PIEZO1: variants seen among roughly 807,000 people sequenced by gnomAD.
The protein encoded by PIEZO1 is piezo-type mechanosensitive ion channel component 1.
Under a neutral mutation model 297.2 loss-of-function variants are expected in PIEZO1, and 296 were observed. That is an observed-to-expected ratio of 1.00 (90% CI 0.91 to 1.10). The LOEUF (loss-of-function observed/expected upper bound fraction) is 1.10. Ranked by LOEUF, PIEZO1 falls within the 50% of genes least tolerant of loss-of-function variation. PIEZO1 has a pLI of 0.00. For synonymous variants in PIEZO1, 2,427 were observed against 1,507.5 expected, an observed-to-expected ratio of 1.61 and a Z score of -14.13; for missense variants, 5,018 against 3,455.5, an observed-to-expected ratio of 1.45 and a Z score of -11.34.
chr16:88,725,360 C>T, intron 29 of PIEZO1, 56 bp downstream of exon 29: 1 of 1,075,976 alleles, frequency 9.3e-7, no homozygotes, highest in Non-Finnish European at 1.3e-6. Flanking sequence ...CACACGCCAG[C>T]AGGCACAGAC....
At chr16:88,718,637 C>G (rs1243429384) in intron 44 of PIEZO1, 5 of 152,266 alleles carry the variant, frequency 3.3e-5, no homozygotes, top group African/African-American at 1.2e-4. Context: ...CTCATAGAAC[C>G]AGGACCTAGA....
chr16:88,772,169 G>A (rs1295893219), intron 1 of PIEZO1, among the ~76,000 whole-genome samples: 1 of 152,222 alleles, frequency 6.6e-6, no homozygotes, highest in Non-Finnish European at 1.5e-5. Context: ...TCTGGGCATG[G>A]CTGTCAGAAT....
intron 1 of PIEZO1, among the ~76,000 whole-genome samples, chr16:88,768,535 C>T (rs887825276): frequency 2.0e-5 from 3 of 152,274 alleles, no homozygotes; most frequent in Admixed American, 1.3e-4. Context: ...CAATTCCTAA[C>T]AGCAGAGCGA....
In PIEZO1 at chr16:88,731,902, G is replaced by T. The variant is rs568280615; in HGVS notation, c.3000C>A (p.Phe1000Leu). ...GCCCGATCACGTTCACGGCCATCAG[G>T]AAGCAGATCTGGGGAGGGGAGAGGG... is the stretch of plus-strand genomic sequence containing the variant. ...FFYKFGLEIC[F>L]LMAVNVIGQR... Residue 1000 changes from phenylalanine to leucine, a missense_variant, in exon 22 of 51, where the codon TTC becomes TTA. Transcript: ENST00000301015. 1,001 of 1,508,642 alleles carry T rather than the reference G, an allele frequency of 6.6e-4. 1 individual carries two copies. The highest frequency in any genetic ancestry group is 8.1e-4 in the Non-Finnish European group (918 of 1,129,186). The allele number at this position is 1,508,642 out of a possible 1,614,324, so 93.5% of individuals were successfully genotyped here. A position where few individuals can be genotyped will look rare whatever the true frequency, so the allele number is the denominator to read the frequency against.
At chr16:88,751,079 C>T (rs996761996) in intron 1 of PIEZO1, among the ~76,000 whole-genome samples, 1 of 152,146 alleles carries the variant, frequency 6.6e-6, no homozygotes, top group African/African-American at 2.4e-5. Flanking sequence ...ATCCTTGGTG[C>T]CAAAGGAGCC....
At position 88,716,483 on chromosome 16, in the gene PIEZO1, C is replaced by T. The variant is rs528203278; in HGVS notation, c.6927G>A (p.Arg2309=). The T allele has an allele frequency of 5.1e-5, 79 of 1,546,138 alleles. 1 individual carries two copies. The East Asian group carries it at 1.5e-3, about 30-fold the overall frequency. ...CCACAGTGCCTCCCTTCGCCAGGTC[C>T]CTGGGGGTGGGAACACAGCGTGACC... ...ITLRFTWNFQ[R]DLAKGGTVEY... Residue 2309 remains arginine, a splice_region_variant and synonymous_variant, in exon 48 of 51, where the codon AGG becomes AGA. Coordinates refer to ENST00000301015, the MANE Select transcript of PIEZO1 (RefSeq NM_001142864.4).
intron 30 of PIEZO1, among the ~76,000 whole-genome samples, chr16:88,724,377 G>C (rs957792524): frequency 6.6e-6 from 1 of 151,966 alleles, no homozygotes; most frequent in Admixed American, 6.6e-5. Context: ...CTAAAAATAC[G>C]AAAATTAGCT....
intron 30 of PIEZO1, 77 bp from the exon 31 acceptor site, chr16:88,724,048 C>T: frequency 1.1e-6 from 1 of 882,624 alleles, no homozygotes. Context: ...CTGCATGGGC[C>T]AAGGCCCGAG....
chr16:88,784,337 C>A (rs1179507859), intron 1 of PIEZO1, among the ~76,000 whole-genome samples: 2 of 152,232 alleles, frequency 1.3e-5, no homozygotes, highest in Non-Finnish European at 2.9e-5. Flanking sequence ...AGTGTGGGAC[C>A]GCCTCAGTCC....
intron 1 of PIEZO1, among the ~76,000 whole-genome samples, chr16:88,771,082 T>C (rs1329855178): frequency 6.6e-6 from 1 of 152,106 alleles, no homozygotes; most frequent in East Asian, 1.9e-4. Context: ...TAGCAGGTGG[T>C]CTCAGTCCCG....
At position 88,725,421 on chromosome 16, in the gene PIEZO1, T is replaced by G; in HGVS notation, c.4157A>C (p.Glu1386Ala). The change falls in exon 29 of 51, where the codon GAG becomes GCG. Residue 1386 changes from glutamate to alanine, a missense_variant. Coordinates refer to ENST00000301015, the MANE Select transcript of PIEZO1 (RefSeq NM_001142864.4). ...CCGACTCCAGCTGCACTCACCTGGCTCCAGGCCGGGGTCCTTGGGGCCCAG... is the reference window on the plus strand; with the variant it reads ...CCGACTCCAGCTGCACTCACCTGGCGCCAGGCCGGGGTCCTTGGGGCCCAG... ...DTLGPKDPGL[E>A]PGPDSPGGSS... 1 of 1,453,150 alleles carries G rather than the reference T, an allele frequency of 6.9e-7. No homozygotes were observed. Among genetic ancestry groups the G allele is most frequent in the Non-Finnish European group, 9.1e-7 (1 of 1,102,076 alleles). 90.0% of individuals were successfully genotyped at this position (1,453,150 alleles called of 1,614,324 possible). A position where few individuals can be genotyped will look rare whatever the true frequency, so the allele number is the denominator to read the frequency against.
chr16:88,735,037 C>T lies in PIEZO1; in HGVS notation c.1686G>A (p.Gln562=), dbSNP rs772353985. 1 of 1,550,298 alleles carries T rather than the reference C, an allele frequency of 6.5e-7. No individual in the cohort carries two copies. The highest frequency in any genetic ancestry group is 1.4e-5 in the African/African-American group (1 of 73,070). ...TVADTEPTRT[Q]TLLQSLGELV... ...GCTCCCCCAGGCTCTGCAACAGCGT[C>T]TGCGTCCGCGTGGGCTCTGTGGGCC... The change falls in exon 14 of 51, where the codon CAG becomes CAA. Residue 562 remains glutamine (Q), a synonymous_variant. Coordinates refer to ENST00000301015, the MANE Select transcript of PIEZO1 (RefSeq NM_001142864.4).
At position 88,716,881 on chromosome 16, in the gene PIEZO1, G is replaced by T; in HGVS notation, c.6678C>A (p.Ser2226Arg). The change falls in exon 46 of 51, where the codon AGC (serine) becomes AGA (arginine). Residue 2226 changes from serine (S) to arginine (R), a missense_variant. Physicochemically the swap from Ser to Arg is moderately radical, Grantham distance 110. Coordinates refer to ENST00000301015, the MANE Select transcript of PIEZO1 (RefSeq NM_001142864.4). ...AGGGGATGATGGACGGCTGCTGGGC[G>T]CTCATGGTGAACAGCGGCTGGGGCA... Reference protein sequence around the residue: ...LGGYEPLFTMSAQQPSIIPFT... With the variant: ...LGGYEPLFTMRAQQPSIIPFT... 1 of 1,549,868 alleles carries T rather than the reference G, an allele frequency of 6.5e-7. No individual in the cohort carries two copies. Among genetic ancestry groups the T allele is most frequent in the Non-Finnish European group, 8.7e-7 (1 of 1,146,940 alleles).
At chr16:88,747,019 T>G (rs1906097198) in intron 2 of PIEZO1, among the ~76,000 whole-genome samples, 1 of 152,144 alleles carries the variant, frequency 6.6e-6, no homozygotes, top group Non-Finnish European at 1.5e-5. Context: ...TCGGCCGCAC[T>G]GGGCCCCTCC....
At chr16:88,781,985 G>A (rs959553364) in intron 1 of PIEZO1, among the ~76,000 whole-genome samples, 7 of 152,252 alleles carry the variant, frequency 4.6e-5, no homozygotes, top group African/African-American at 1.4e-4. Flanking sequence ...GCCCACGTGG[G>A]TGTCCCACAG....
In PIEZO1 at chr16:88,733,347, G is replaced by A. The variant is rs1383790534; in HGVS notation, c.2595C>T (p.Ile865=). 7 of 1,550,214 alleles carry A rather than the reference G, an allele frequency of 4.5e-6. No homozygotes were observed. The highest frequency in any genetic ancestry group is 5.2e-6 in the Non-Finnish European group (6 of 1,146,832). ...SCLSTVWTCV[I]IVCKMLYQLK... ...GCTGGTACAGCATCTTACACACGATGATGACGCAGGTCCACACGGTGGACA... is the reference window on the plus strand; with the variant it reads ...GCTGGTACAGCATCTTACACACGATAATGACGCAGGTCCACACGGTGGACA... Residue 865 remains isoleucine, a synonymous_variant, in exon 19 of 51, where the codon ATC becomes ATT. Coordinates refer to ENST00000301015, the MANE Select transcript of PIEZO1 (RefSeq NM_001142864.4).
chr16:88,718,878 TTATTTTTTTG>T (rs142864864), intron 44 of PIEZO1: 16,929 of 154,084 alleles, frequency 0.11, 1,055 homozygotes, highest in Non-Finnish European at 0.14. Context: ...CAGCTAACGT[TTATTTTTTTG>T]TAGAGAGAGT....
chr16:88,748,824 T>C (rs1023028701), intron 2 of PIEZO1, among the ~76,000 whole-genome samples: 2 of 150,660 alleles, frequency 1.3e-5, no homozygotes, highest in African/African-American at 2.4e-5. Flanking sequence ...TTGCAGCTAC[T>C]TGGGAGGCTG....
At chr16:88,763,688 G>A (rs1433014526) in intron 1 of PIEZO1, among the ~76,000 whole-genome samples, 2 of 152,222 alleles carry the variant, frequency 1.3e-5, no homozygotes, top group African/African-American at 4.8e-5. Context: ...GACCCAGGGA[G>A]TGGACAGCAC....
Sources: gnomAD v4.1 joint callset for allele counts (sites outside exome capture counted in the v4.1 genomes callset) on GRCh38, gnomAD v4.1.1 for gene constraint, MANE v1.5 for transcripts, NCBI Gene and HGNC (gene_info 2026-07-23, HGNC 2026-07-21) for gene names.